The following UST variants were observed in gnomAD, a reference collection of about 807,000 sequenced individuals.
UST encodes the protein uronyl 2-sulfotransferase.
A neutral mutation model predicts 45.6 loss-of-function variants in UST; 21 were observed. The observed-to-expected ratio is 0.46, with a 90% CI of 0.33 to 0.66. The LOEUF (loss-of-function observed/expected upper bound fraction) is 0.66, where lower values mean the gene tolerates loss of function less well. Among genes scored for constraint, UST ranks in the 30% least tolerant of loss-of-function variants. The pLI is 0.02. For missense variants in UST, 463 were observed against 512.4 expected (o/e 0.90, Z 0.93); for synonymous variants, 215 against 200.6 (o/e 1.07, Z -0.61).
At chr6:148,929,107 T>G (rs1472818150) in intron 2 of UST, among the ~76,000 whole-genome samples, 1 of 152,208 alleles carries the variant, frequency 6.6e-6, no homozygotes, top group African/African-American at 2.4e-5. Flanking sequence ...CATGAACAGG[T>G]GTTTGAAGAA....
intron 7 of UST, among the ~76,000 whole-genome samples, chr6:149,068,393 G>A (rs183584828): frequency 3.6e-4 from 55 of 152,300 alleles, no homozygotes; most frequent in African/African-American, 1.3e-3. Context: ...CCATCAAGGG[G>A]TTATTGTGAG....
chr6:148,796,861 G>A (rs1212363216), intron 1 of UST, among the ~76,000 whole-genome samples: 1 of 130,806 alleles, frequency 7.6e-6, no homozygotes, highest in Non-Finnish European at 1.6e-5. Context: ...GGAGTGCAAT[G>A]GCGTGATCTC....
At chr6:148,945,888 A>G (rs1780225078) in intron 3 of UST, among the ~76,000 whole-genome samples, 1 of 152,196 alleles carries the variant, frequency 6.6e-6, no homozygotes, top group Non-Finnish European at 1.5e-5. Context: ...CTATATCACT[A>G]TAAACGTAAC....
chr6:148,758,469 C>CA (rs960896947), intron 1 of UST, among the ~76,000 whole-genome samples: 3 of 152,180 alleles, frequency 2.0e-5, no homozygotes, highest in Non-Finnish European at 2.9e-5. Flanking sequence ...CTGGGATAGC[C>CA]AGCTGTTCTA....
intron 5 of UST, among the ~76,000 whole-genome samples, chr6:148,989,798 T>A (rs1781312619): frequency 6.6e-6 from 1 of 152,254 alleles, no homozygotes; most frequent in Non-Finnish European, 1.5e-5. Context: ...TCATGCCACT[T>A]CCTCAAATAA....
intron 1 of UST, among the ~76,000 whole-genome samples, chr6:148,837,591 A>G (rs986896907): frequency 3.3e-5 from 5 of 152,172 alleles, no homozygotes; most frequent in Non-Finnish European, 7.3e-5. Context: ...AAATATGAGG[A>G]TATGTATTCA....
chr6:148,903,259 G>T (rs1305320347), intron 2 of UST, among the ~76,000 whole-genome samples: 2 of 152,064 alleles, frequency 1.3e-5, no homozygotes, highest in Non-Finnish European at 2.9e-5. Flanking sequence ...CATGGTGGGA[G>T]ACTGTGTATT....
intron 3 of UST, among the ~76,000 whole-genome samples, chr6:148,944,616 G>A (rs1249650125): frequency 1.3e-5 from 2 of 152,116 alleles, no homozygotes; most frequent in African/African-American, 2.4e-5. Flanking sequence ...GAAAGGGAGT[G>A]TGAAGACACC....
At chr6:149,059,211 C>T (rs923329357) in intron 7 of UST, among the ~76,000 whole-genome samples, 1 of 152,170 alleles carries the variant, frequency 6.6e-6, no homozygotes, top group South Asian at 2.1e-4. Flanking sequence ...CCATCTCCTC[C>T]AGCCCTGTCA....
At chr6:149,052,584 C>G (rs1263066086) in intron 7 of UST, among the ~76,000 whole-genome samples, 1 of 108,812 alleles carries the variant, frequency 9.2e-6, no homozygotes, top group African/African-American at 4.5e-5. Context: ...CTCGTAAGCT[C>G]TTAACTGGTC....
In UST at chr6:148,790,233, C is replaced by G. The variant is rs1470988574; in HGVS notation, c.247+42556C>G. Among the ~76,000 whole-genome samples, 2 of 152,160 alleles carry G rather than the reference C, an allele frequency of 1.3e-5. No individual in the cohort carries two copies. The highest frequency in any genetic ancestry group is 2.9e-5 in the Non-Finnish European group (2 of 68,026). ...AGTGGTTACCTTGGATCCCTTCATG[C>G]CCGTGCTAATCTCACTCCGTGCTCT... On this transcript the variant is annotated intron_variant, in intron 1 of 7. Coordinates refer to ENST00000367463, the MANE Select transcript of UST (RefSeq NM_005715.3). This position sits in a 1 kb window ranked among gnomAD's most constrained non-coding sequence, Gnocchi z 4.2.
intron 7 of UST, among the ~76,000 whole-genome samples, chr6:149,071,861 TACAA>T (rs989690211): frequency 2.0e-5 from 3 of 152,082 alleles, no homozygotes; most frequent in African/African-American, 4.8e-5. Flanking sequence ...AAAGAAGATA[TACAA>T]ACAAACAGCA....
chr6:148,864,827 A>T (rs1334126882), intron 1 of UST, among the ~76,000 whole-genome samples: 1 of 152,200 alleles, frequency 6.6e-6, no homozygotes, highest in African/African-American at 2.4e-5. Flanking sequence ...CAGGGCATTG[A>T]GATGGTTTTC....
chr6:148,858,659 C>A (rs1302916208), intron 1 of UST, among the ~76,000 whole-genome samples: 1 of 152,156 alleles, frequency 6.6e-6, no homozygotes. Context: ...TGCCCCACCC[C>A]ACAACAGGCC....
chr6:148,827,024 G>A (rs550951973), intron 1 of UST, among the ~76,000 whole-genome samples: 1 of 152,154 alleles, frequency 6.6e-6, no homozygotes, highest in Admixed American at 6.5e-5. Context: ...CACAGGTTCT[G>A]GGAGTTAGGC....
intron 1 of UST, among the ~76,000 whole-genome samples, chr6:148,794,788 C>T (rs1242693995): frequency 6.6e-6 from 1 of 152,184 alleles, no homozygotes; most frequent in Non-Finnish European, 1.5e-5. Context: ...ATTTGAGGCC[C>T]TTAAATACAT....
intron 1 of UST, among the ~76,000 whole-genome samples, chr6:148,807,639 G>A (rs991081367): frequency 9.2e-5 from 14 of 152,240 alleles, no homozygotes; most frequent in South Asian, 2.1e-4. Context: ...GAGACAGTGC[G>A]TGGTACATTG....
intron 1 of UST, among the ~76,000 whole-genome samples, chr6:148,764,252 C>G (rs985741582): frequency 1.3e-5 from 2 of 151,928 alleles, no homozygotes; most frequent in South Asian, 4.2e-4. Flanking sequence ...TTTTTTGTGG[C>G]TATTGTAAAT....
At chr6:148,754,025 C>T (rs988372321) in intron 1 of UST, among the ~76,000 whole-genome samples, 2 of 148,052 alleles carry the variant, frequency 1.4e-5, no homozygotes, top group African/African-American at 5.0e-5. Flanking sequence ...ATTGGAGGCT[C>T]GCTCTGTTGC....
Sources: gnomAD v4.1 joint callset for allele counts (sites outside exome capture counted in the v4.1 genomes callset) on GRCh38, gnomAD v4.1.1 for gene constraint, Gnocchi (gnomAD v3.1) non-coding constraint, MANE v1.5 for transcripts, NCBI Gene and HGNC (gene_info 2026-07-23, HGNC 2026-07-21) for gene names.